The following LRRC4C variants were observed in gnomAD, a reference collection of about 807,000 sequenced individuals.
LRRC4C encodes leucine rich repeat containing 4C.
LRRC4C carries 5 observed loss-of-function variants against 33.6 expected under a neutral mutation model. The observed-to-expected ratio is 0.15, with a 90% CI of 0.08 to 0.31. The LOEUF (loss-of-function observed/expected upper bound fraction) is 0.31. Among genes scored for constraint, LRRC4C ranks in the 10% least tolerant of loss-of-function variants. The probability of loss-of-function intolerance (pLI) is 1.00; values close to 1 mark genes in which losing one functional copy is unlikely to be tolerated. For synonymous variants in LRRC4C, 329 were observed against 302.0 expected (o/e 1.09, Z -0.93); for missense variants, 560 against 796.7 (o/e 0.70, Z 3.58).
intron 2 of LRRC4C, among the ~76,000 whole-genome samples, chr11:40,912,614 A>C (rs1017951434): frequency 6.6e-6 from 1 of 150,788 alleles, no homozygotes; most frequent in Non-Finnish European, 1.5e-5. Context: ...AAAGACCATC[A>C]AGGCTAGGAA....
At chr11:40,183,833 G>T (rs1189065090) in intron 5 of LRRC4C, among the ~76,000 whole-genome samples, 1 of 152,184 alleles carries the variant, frequency 6.6e-6, no homozygotes, top group African/African-American at 2.4e-5. Flanking sequence ...AGGCCTTGTG[G>T]TTATGCTAGA....
chr11:40,275,961 T>C lies in LRRC4C; in HGVS notation c.-175-34363A>G, dbSNP rs1943071655. On this transcript the variant is annotated intron_variant, in intron 4 of 6. Transcript: ENST00000528697. ...ACAAATAATAAGCACATAGAACAAT[T>C]ACTTATGCAAAACAGGATATTGGAA... is the stretch of plus-strand genomic sequence containing the variant. Among the ~76,000 whole-genome samples, 3 of 152,052 alleles carry C rather than the reference T, an allele frequency of 2.0e-5. No individual in the cohort carries two copies. The South Asian group carries it at 6.2e-4, about 32-fold the overall frequency.
At chr11:41,054,251 T>C (rs995195698) in intron 1 of LRRC4C, among the ~76,000 whole-genome samples, 1 of 152,204 alleles carries the variant, frequency 6.6e-6, no homozygotes, top group Non-Finnish European at 1.5e-5. Context: ...CTTATATCTA[T>C]GAAGTGAATA....
intron 3 of LRRC4C, among the ~76,000 whole-genome samples, chr11:40,433,635 T>C (rs1034151907): frequency 1.3e-5 from 2 of 152,218 alleles, no homozygotes; most frequent in Admixed American, 1.3e-4. Flanking sequence ...GCAGCAGATA[T>C]ACTGCAGGAG....
At chr11:40,724,554 A>G (rs1035751592) in intron 2 of LRRC4C, among the ~76,000 whole-genome samples, 3 of 152,206 alleles carry the variant, frequency 2.0e-5, no homozygotes, top group East Asian at 1.9e-4. Context: ...AATTATTGGC[A>G]ATAAATGAAA....
intron 1 of LRRC4C, among the ~76,000 whole-genome samples, chr11:41,186,349 G>A (rs982421442): frequency 6.6e-6 from 1 of 152,176 alleles, no homozygotes; most frequent in Non-Finnish European, 1.5e-5. Flanking sequence ...ACTAAATATA[G>A]CTGCTGTGGA....
intron 5 of LRRC4C, among the ~76,000 whole-genome samples, chr11:40,178,942 C>T (rs1352070414): frequency 6.6e-6 from 1 of 152,130 alleles, no homozygotes; most frequent in Non-Finnish European, 1.5e-5. Flanking sequence ...ACTGTTTTGA[C>T]TCTTGTGGTT....
chr11:40,451,916 C>T (rs925604893), intron 3 of LRRC4C, among the ~76,000 whole-genome samples: 5 of 152,088 alleles, frequency 3.3e-5, no homozygotes, highest in Non-Finnish European at 7.4e-5. Flanking sequence ...AGGTTCATCT[C>T]ACTGGGGATT....
intron 1 of LRRC4C, among the ~76,000 whole-genome samples, chr11:41,308,066 A>T (rs1950550087): frequency 6.6e-6 from 1 of 152,216 alleles, no homozygotes; most frequent in Non-Finnish European, 1.5e-5. Flanking sequence ...AATAGGCAGG[A>T]AGGAACTTTC....
At chr11:40,625,571 G>A (rs1412664179) in intron 3 of LRRC4C, among the ~76,000 whole-genome samples, 1 of 152,078 alleles carries the variant, frequency 6.6e-6, no homozygotes, top group Non-Finnish European at 1.5e-5. Flanking sequence ...GGGGATTATG[G>A]TAGCTACAAT....
chr11:41,069,957 C>T (rs563399525), intron 1 of LRRC4C, among the ~76,000 whole-genome samples: 1 of 152,026 alleles, frequency 6.6e-6, no homozygotes, highest in Non-Finnish European at 1.5e-5. Context: ...CCTGTATAAC[C>T]AAGACAATCC....
At chr11:40,498,706 A>AAT in intron 3 of LRRC4C, among the ~76,000 whole-genome samples, 1 of 152,284 alleles carries the variant, frequency 6.6e-6, no homozygotes, top group Admixed American at 6.5e-5. Context: ...AAGTTTTCAG[A>AAT]ATTGTTTTTA....
At chr11:40,349,044 A>C (rs1251886602) in intron 3 of LRRC4C, among the ~76,000 whole-genome samples, 1 of 152,234 alleles carries the variant, frequency 6.6e-6, no homozygotes, top group African/African-American at 2.4e-5. Flanking sequence ...TGGAGTATCC[A>C]TCACCTCAAG....
intron 3 of LRRC4C, among the ~76,000 whole-genome samples, chr11:40,486,063 A>T (rs56276872): frequency 0.14 from 20,868 of 151,604 alleles, 1,595 homozygotes; most frequent in African/African-American, 0.18. Context: ...AACACCTGGA[A>T]GATGAAATAA....
intron 3 of LRRC4C, among the ~76,000 whole-genome samples, chr11:40,438,436 C>G (rs115785324): frequency 2.3e-3 from 353 of 152,292 alleles, no homozygotes; most frequent in African/African-American, 7.8e-3. Context: ...TCTAAATTTA[C>G]TCGTATGTTC....
chr11:41,357,781 T>G (rs1952214281), intron 1 of LRRC4C, among the ~76,000 whole-genome samples: 1 of 152,160 alleles, frequency 6.6e-6, no homozygotes. Flanking sequence ...AAGACTATAT[T>G]TTTATAAAGA....
chr11:41,415,626 A>T (rs1354842787), intron 1 of LRRC4C, among the ~76,000 whole-genome samples: 1 of 152,098 alleles, frequency 6.6e-6, no homozygotes, highest in Non-Finnish European at 1.5e-5. Context: ...AAAAGCCTCG[A>T]GTCTGTACTC....
chr11:40,578,235 G>A (rs1375995982), intron 3 of LRRC4C, among the ~76,000 whole-genome samples: 1 of 133,666 alleles, frequency 7.5e-6, no homozygotes, highest in Non-Finnish European at 1.5e-5. Flanking sequence ...TTCAGACCTG[G>A]ATTTGCTTCC....
chr11:40,926,164 C>G (rs1053252501), intron 2 of LRRC4C, among the ~76,000 whole-genome samples: 3 of 152,002 alleles, frequency 2.0e-5, no homozygotes. Flanking sequence ...AGTACAAATG[C>G]CAAATTCATC....
Sources: allele counts gnomAD v4.1 joint callset (sites outside exome capture counted in the v4.1 genomes callset), GRCh38; gene constraint gnomAD v4.1.1; transcripts MANE v1.5; gene names NCBI Gene and HGNC (gene_info 2026-07-23, HGNC 2026-07-21).